The following RNF149 variants were observed in gnomAD, a reference collection of about 807,000 sequenced individuals.
RNF149 encodes E3 ubiquitin-protein ligase RNF149.
RNF149 carries 21 observed loss-of-function variants against 39.0 expected under a neutral mutation model. The observed-to-expected ratio is 0.54, with a 90% CI of 0.38 to 0.77. The LOEUF (loss-of-function observed/expected upper bound fraction) is 0.77. RNF149 is among the 30% of genes least tolerant of loss of function. The pLI is 0.00. For synonymous variants in RNF149, 209 were observed against 213.6 expected, an observed-to-expected ratio of 0.98 and a Z score of 0.19; for missense variants, 493 against 534.9, an observed-to-expected ratio of 0.92 and a Z score of 0.77.
At chr2:101,271,607 A>AT (rs1384717092), downstream of RNF149, 1 of 151,982 alleles carries the variant, frequency 6.6e-6, no homozygotes, top group East Asian at 1.9e-4. Flanking sequence ...ACTCAAAAAA[A>AT]AAAAAAAAAA....
In RNF149 at chr2:101,295,788, TA is replaced by T. The variant is rs554307643; in HGVS notation, c.461-608del. ...ACATTTAACTTGTTCCACAGCAGAT[TA>T]AAAAAAAAAAAAGTTTAAAAATTAC... On this transcript the variant is annotated intron_variant, in intron 1 of 6. Transcript: ENST00000295317. Among the ~76,000 whole-genome samples the T allele has an allele frequency of 5.2e-3, 714 of 137,838 alleles. 4 individuals are homozygous for T. The highest frequency in any genetic ancestry group is 9.9e-3 in the East Asian group (48 of 4,846). The allele number at this position is 137,838 out of a possible 152,430, so 90.4% of individuals were successfully genotyped here.
chr2:101,290,001 G>A (rs1682946504), intron 3 of RNF149, among the ~76,000 whole-genome samples: 1 of 152,032 alleles, frequency 6.6e-6, no homozygotes, highest in Non-Finnish European at 1.5e-5. Context: ...CCAACATGGT[G>A]AAACCCCACC....
chr2:101,288,823 T>C (rs2104404058), intron 4 of RNF149, 150 bp downstream of exon 4: 1 of 580,796 alleles, frequency 1.7e-6, no homozygotes, highest in East Asian at 3.0e-5. Context: ...GGGAAGATAT[T>C]ATATTTAAAA....
At chr2:101,302,771 G>A (rs1388994041) in intron 1 of RNF149, among the ~76,000 whole-genome samples, 2 of 152,168 alleles carry the variant, frequency 1.3e-5, no homozygotes, top group South Asian at 2.1e-4. Flanking sequence ...CTTGAGTCCA[G>A]GAATTCAGAA....
At chr2:101,297,012 C>T (rs1683258571) in intron 1 of RNF149, among the ~76,000 whole-genome samples, 1 of 152,092 alleles carries the variant, frequency 6.6e-6, no homozygotes, top group Non-Finnish European at 1.5e-5. Flanking sequence ...AGTTTGAGAC[C>T]AGCCTGGCCA....
chr2:101,272,893 C>T (rs555412227), downstream of RNF149: 7 of 1,252,680 alleles, frequency 5.6e-6, no homozygotes, highest in African/African-American at 1.5e-5. Context: ...CTTTGGGATG[C>T]CTTTCTTGAC....
At chr2:101,273,209 G>C (rs1297017217), downstream of RNF149, 3 of 1,047,274 alleles carry the variant, frequency 2.9e-6, no homozygotes, top group East Asian at 1.2e-4. Flanking sequence ...CAGACACCGA[G>C]GAGCCGAGGA....
chr2:101,280,337 T>C (rs1246707192), intron 6 of RNF149, among the ~76,000 whole-genome samples: 3 of 152,098 alleles, frequency 2.0e-5, no homozygotes, highest in African/African-American at 7.2e-5. Context: ...GGACAACTGA[T>C]TAAACATTTG....
intron 1 of RNF149, among the ~76,000 whole-genome samples, chr2:101,306,357 T>C (rs1359276310): frequency 6.6e-6 from 1 of 152,224 alleles, no homozygotes; most frequent in Non-Finnish European, 1.5e-5. Context: ...GTTGATAGTA[T>C]GTATGTGGAG....
At chr2:101,288,118 C>T (rs1435880501) in intron 4 of RNF149, among the ~76,000 whole-genome samples, 1 of 152,090 alleles carries the variant, frequency 6.6e-6, no homozygotes, top group Admixed American at 6.6e-5. Context: ...ATGCCTCAGC[C>T]TCCTGAGTAG....
chr2:101,277,430 C>A (rs1300197453), intron 6 of RNF149, 149 bp from the exon 7 acceptor site: 2 of 1,155,572 alleles, frequency 1.7e-6, no homozygotes, highest in African/African-American at 3.2e-5. Context: ...GTTCTTGTTG[C>A]CCAGGCTGGA....
At chr2:101,273,150 C>T (rs1682198301), downstream of RNF149, 1 of 1,333,862 alleles carries the variant, frequency 7.5e-7, no homozygotes, top group African/African-American at 1.5e-5. Flanking sequence ...TGTGTTTTTA[C>T]ACCTCTCTGG....
At position 101,308,653 on chromosome 2, in the gene RNF149, CAG is replaced by C; in HGVS notation, c.-67_-66del. The C allele has an allele frequency of 7.3e-7, 1 of 1,367,758 alleles. No homozygotes were observed. Among genetic ancestry groups the C allele is most frequent in the Non-Finnish European group, 9.5e-7 (1 of 1,047,192 alleles). 84.7% of individuals were successfully genotyped at this position (1,367,758 alleles called of 1,614,324 possible). A position where few individuals can be genotyped will look rare whatever the true frequency, so the allele number is the denominator to read the frequency against. On this transcript the variant is annotated 5_prime_UTR_variant, in exon 1 of 7. Transcript: ENST00000295317. The stretch of plus-strand genomic sequence containing the variant: ...GCGCGAGTGCGGTGCAGTCGAAGAG[CAG>C]AGAGAAGCGGACACCCACCGCCGCC...
rs1020071656 is a variant in RNF149, at chr2:101,288,049, G to A, written c.863+924C>T. On this transcript the variant is annotated intron_variant, in intron 4 of 6. Transcript: ENST00000295317. The stretch of plus-strand genomic sequence containing the variant: ...GTCTTGCCATGTCACCCAGGCTGGA[G>A]TGCAGTGGCGTGATCTCAGCTCACT... Among the ~76,000 whole-genome samples the A allele has an allele frequency of 2.0e-5, 3 of 151,998 alleles. No homozygotes were observed. In the South Asian group the frequency reaches 6.2e-4, roughly 32 times the overall value.
At chr2:101,307,063 C>T (rs1440514851) in intron 1 of RNF149, among the ~76,000 whole-genome samples, 1 of 152,158 alleles carries the variant, frequency 6.6e-6, no homozygotes, top group African/African-American at 2.4e-5. Context: ...TTATTTTACC[C>T]GGAACTTAGT....
At chr2:101,290,595 A>G (rs1446386454) in intron 3 of RNF149, among the ~76,000 whole-genome samples, 7 of 152,238 alleles carry the variant, frequency 4.6e-5, no homozygotes, top group Admixed American at 1.3e-4. Context: ...GGAATCATAT[A>G]AAGTAACGTA....
intron 1 of RNF149, among the ~76,000 whole-genome samples, chr2:101,307,531 C>G (rs1474215449): frequency 2.0e-5 from 3 of 152,124 alleles, no homozygotes; most frequent in African/African-American, 7.2e-5. Context: ...GATCGTAACT[C>G]AAGACTCAGG....
chr2:101,273,344 A>T (rs564133805), downstream of RNF149: 1 of 471,016 alleles, frequency 2.1e-6, no homozygotes, highest in African/African-American at 2.0e-5. Flanking sequence ...CATGGCTCCT[A>T]TAATGGTTAG....
rs1029831452 is a variant in RNF149, at chr2:101,308,040, C to G, written c.460+89G>C. 5 of 1,501,718 alleles carry G rather than the reference C, an allele frequency of 3.3e-6. No homozygotes were observed. In the East Asian group the frequency reaches 7.5e-5, roughly 23 times the overall value. 93.0% of individuals were successfully genotyped at this position (1,501,718 alleles called of 1,614,324 possible). On this transcript the variant is annotated intron_variant, in intron 1 of 6. Transcript: ENST00000295317. Reference sequence around the variant, plus strand: ...CCTGAGAGCCGTGCCAGGCCCGCTTCGCGGCCTGCGGTTCAGGGCCAACCC... The same window carrying G: ...CCTGAGAGCCGTGCCAGGCCCGCTTGGCGGCCTGCGGTTCAGGGCCAACCC...
Sources: gnomAD v4.1 joint callset for allele counts (sites outside exome capture counted in the v4.1 genomes callset) on GRCh38, gnomAD v4.1.1 for gene constraint, MANE v1.5 for transcripts, NCBI Gene and HGNC (gene_info 2026-07-23, HGNC 2026-07-21) for gene names.